UTS2B: variants seen among roughly 807,000 people sequenced by gnomAD.
UTS2B encodes the protein urotensin-2B.
A neutral mutation model predicts 19.2 loss-of-function variants in UTS2B; 21 were observed. That is an observed-to-expected ratio of 1.09 (90% CI 0.78 to 1.58). The LOEUF is 1.58. UTS2B is among the 40% of genes most tolerant of loss of function. The pLI is 0.00. For missense variants in UTS2B, 138 were observed against 130.3 expected (o/e 1.06, Z -0.29); for synonymous variants, 57 against 50.2 (o/e 1.14, Z -0.58).
intron 4 of UTS2B, among the ~76,000 whole-genome samples, chr3:191,301,622 G>C (rs1330692076): frequency 2.6e-5 from 4 of 151,774 alleles, no homozygotes; most frequent in Admixed American, 2.6e-4. Flanking sequence ...GAGTAGCTGG[G>C]ACCACAGGCG....
Position 191,268,419 on chromosome 3 carries a change from A to C in UTS2B, c.357T>G (p.Val119=). ...SKRACFWKYC[V] The stretch of plus-strand genomic sequence containing the variant: ...TTTTGCATCCAGAGAAAAAGCTTTA[A>C]ACACAGTATTTCCAAAAGCAAGCTA... Residue 119 remains valine, a synonymous_variant, in exon 9 of 9, where the codon GTT becomes GTG. Coordinates refer to ENST00000340524, the MANE Select transcript of UTS2B (RefSeq NM_198152.5). 1 of 1,563,178 alleles carries C rather than the reference A, an allele frequency of 6.4e-7. No individual in the cohort carries two copies. Among genetic ancestry groups the C allele is most frequent in the South Asian group, 1.2e-5 (1 of 86,782 alleles).
At chr3:191,283,312 C>T (rs1716438351) in intron 4 of UTS2B, among the ~76,000 whole-genome samples, 1 of 152,200 alleles carries the variant, frequency 6.6e-6, no homozygotes. Context: ...CAGAGAGTTG[C>T]TGACATGGTT....
At chr3:191,271,662 C>A (rs959347412) in intron 8 of UTS2B, among the ~76,000 whole-genome samples, 3 of 152,148 alleles carry the variant, frequency 2.0e-5, no homozygotes, top group African/African-American at 7.2e-5. Context: ...CAGTTTCTTC[C>A]CTTGGAATGA....
the UTS2B span, among the ~76,000 whole-genome samples, chr3:191,342,832 G>T: frequency 6.6e-6 from 1 of 152,182 alleles, no homozygotes; most frequent in African/African-American, 2.4e-5. Context: ...TGAAAAAATT[G>T]TCTACTACTG....
At chr3:191,309,794 C>T (rs1250950765) in intron 3 of UTS2B, among the ~76,000 whole-genome samples, 1 of 152,150 alleles carries the variant, frequency 6.6e-6, no homozygotes, top group Non-Finnish European at 1.5e-5. Flanking sequence ...TGAAATGCCT[C>T]GCTTCCTTTT....
intron 4 of UTS2B, among the ~76,000 whole-genome samples, chr3:191,287,828 C>T (rs1320283412): frequency 6.6e-6 from 1 of 151,962 alleles, no homozygotes; most frequent in African/African-American, 2.4e-5. Flanking sequence ...GGAAAGACAT[C>T]CATATAGGAA....
At chr3:191,305,726 C>T (rs761217840) in intron 3 of UTS2B, among the ~76,000 whole-genome samples, 3 of 152,106 alleles carry the variant, frequency 2.0e-5, no homozygotes, top group Non-Finnish European at 2.9e-5. Context: ...TCTTTGTCAT[C>T]AAACCTTTGC....
rs374220087 is a variant in UTS2B, at chr3:191,285,754, C to T, written c.-124-3441G>A. ...GTCTCTACCAAAACACAAAAATTAG[C>T]TGGGTGTGGTGGTGTGTGCCTACAG... On this transcript the variant is annotated intron_variant, in intron 4 of 8. Transcript: ENST00000340524. Among the ~76,000 whole-genome samples, 4 of 152,178 alleles carry T rather than the reference C, an allele frequency of 2.6e-5. No individual in the cohort carries two copies. The East Asian group carries it at 7.7e-4, about 29-fold the overall frequency.
At chr3:191,315,296 A>T (rs1211599338) in intron 3 of UTS2B, among the ~76,000 whole-genome samples, 1 of 152,188 alleles carries the variant, frequency 6.6e-6, no homozygotes, top group Non-Finnish European at 1.5e-5. Context: ...TACAGGCATG[A>T]GCCACCACGC....
intron 8 of UTS2B, among the ~76,000 whole-genome samples, chr3:191,272,862 T>TA (rs35248454): frequency 0.26 from 30,570 of 118,154 alleles, 3,674 homozygotes; most frequent in Admixed American, 0.3. Context: ...AAACTCCGTC[T>TA]AAAAAAAAAA....
intron 4 of UTS2B, among the ~76,000 whole-genome samples, chr3:191,296,430 G>A (rs186357696): frequency 6.6e-6 from 1 of 152,180 alleles, no homozygotes; most frequent in Non-Finnish European, 1.5e-5. Context: ...TATCTCAACC[G>A]TAAATCAATT....
the UTS2B span, among the ~76,000 whole-genome samples, chr3:191,343,660 G>A: frequency 1.3e-5 from 2 of 152,112 alleles, no homozygotes; most frequent in Non-Finnish European, 2.9e-5. Context: ...TTTTAAAGAA[G>A]GTACAGGAGA....
At position 191,323,145 on chromosome 3, in the gene UTS2B, T is replaced by TGTTATTTTATTTTA. The variant is rs1553835421; in HGVS notation, c.-586+5485_-586+5486insTAAAATAAAATAAC. Among the ~76,000 whole-genome samples the TGTTATTTTATTTTA allele has an allele frequency of 3.4e-4, 51 of 148,884 alleles. No individual in the cohort carries two copies. In the South Asian group the frequency reaches 9.8e-3, roughly 28 times the overall value. On this transcript the variant is annotated intron_variant, in intron 2 of 8. Transcript: ENST00000340524. ...TTTTCAGTGCTGTTATTTTATTTTATTTTATTTATTTATTTATTTTTGAGA... is the reference window on the plus strand; with the variant it reads ...TTTTCAGTGCTGTTATTTTATTTTATGTTATTTTATTTTATTTATTTATTTATTTATTTTTGAGA...
At chr3:191,310,937 G>C (rs1717285729) in intron 3 of UTS2B, among the ~76,000 whole-genome samples, 1 of 152,182 alleles carries the variant, frequency 6.6e-6, no homozygotes, top group South Asian at 2.1e-4. Context: ...AAGACGTACA[G>C]TTTCAGAAGC....
chr3:191,331,959 AT>A (rs1718002979), upstream of UTS2B, among the ~76,000 whole-genome samples: 1 of 152,212 alleles, frequency 6.6e-6, no homozygotes, highest in Non-Finnish European at 1.5e-5. Flanking sequence ...ATTCAAAAAA[AT>A]CCCTGTATCT....
chr3:191,308,422 T>C (rs1048369656), intron 3 of UTS2B, among the ~76,000 whole-genome samples: 7 of 152,226 alleles, frequency 4.6e-5, no homozygotes, highest in Non-Finnish European at 1.0e-4. Flanking sequence ...CTGTATTACC[T>C]CAAAAATTCA....
chr3:191,289,328 A>C (rs570445013), intron 4 of UTS2B, among the ~76,000 whole-genome samples: 2 of 151,656 alleles, frequency 1.3e-5, no homozygotes, highest in Non-Finnish European at 2.9e-5. Context: ...AGAATGGCGT[A>C]AACCTGGGAG....
At chr3:191,327,232 G>T (rs1294527742) in intron 2 of UTS2B, among the ~76,000 whole-genome samples, 1 of 152,086 alleles carries the variant, frequency 6.6e-6, no homozygotes, top group Non-Finnish European at 1.5e-5. Context: ...GTGGTGGCTC[G>T]TGCCTGTAAT....
At chr3:191,277,094 T>C (rs1352445002) in intron 6 of UTS2B, among the ~76,000 whole-genome samples, 1 of 152,182 alleles carries the variant, frequency 6.6e-6, no homozygotes, top group Non-Finnish European at 1.5e-5. Flanking sequence ...ACGTAGACCA[T>C]AGTTCTAGCA....
Sources: gnomAD v4.1 joint callset for allele counts (sites outside exome capture counted in the v4.1 genomes callset) on GRCh38, gnomAD v4.1.1 for gene constraint, MANE v1.5 for transcripts, NCBI Gene and HGNC (gene_info 2026-07-23, HGNC 2026-07-21) for gene names.